Variants in CBX1 observed in about 807,000 individuals in gnomAD.
CBX1 encodes chromobox protein homolog 1.
A neutral mutation model predicts 25.1 loss-of-function variants in CBX1; 10 were observed. The ratio of observed to expected loss-of-function variants is 0.40; its 90% CI spans 0.25 to 0.68. CBX1 has a LOEUF of 0.68. Ranked by LOEUF, CBX1 falls within the 30% of genes least tolerant of loss-of-function variation. The pLI, the probability that CBX1 is intolerant of heterozygous loss-of-function variation, is 0.40. For missense variants in CBX1, 106 were observed against 218.5 expected (o/e 0.49, Z 3.25); for synonymous variants, 63 against 79.4 (o/e 0.79, Z 1.10).
intron 3 of CBX1, 149 bp from the exon 4 acceptor site, chr17:48,075,249 C>T (rs1453003522): frequency 1.0e-5 from 6 of 600,526 alleles, no homozygotes; most frequent in Non-Finnish European, 1.8e-5. Flanking sequence ...GGCTGGAGTG[C>T]AGTGGTGCGA....
At chr17:48,091,302 C>T (rs1470790429) in intron 1 of CBX1, among the ~76,000 whole-genome samples, 1 of 151,930 alleles carries the variant, frequency 6.6e-6, no homozygotes, top group Non-Finnish European at 1.5e-5. Context: ...ATTTTCTTTC[C>T]CCCTCTTTTA....
At chr17:48,079,036 A>T (rs908198785) in intron 1 of CBX1, among the ~76,000 whole-genome samples, 26 of 151,158 alleles carry the variant, frequency 1.7e-4, no homozygotes, top group African/African-American at 5.8e-4. Flanking sequence ...TGACTTCGTG[A>T]TTCACCCGTG....
Position 48,098,007 on chromosome 17 carries a change from T to G in CBX1, c.-38+3261A>C, listed in dbSNP as rs188700300. Reference sequence around the variant, plus strand: ...GCCTGAGGTATTTAAAACGGCCAGTTGCACAGCCTGTATACCTTTTCTATA... The same window carrying G: ...GCCTGAGGTATTTAAAACGGCCAGTGGCACAGCCTGTATACCTTTTCTATA... On this transcript the variant is annotated intron_variant, in intron 1 of 4. Transcript: ENST00000225603. 2.2e-3 allele frequency among the ~76,000 whole-genome samples: 336 copies of G among 152,306 alleles called. 6 individuals carry two copies. In the South Asian group the frequency reaches 0.041, roughly 19 times the overall value.
Position 48,071,433 on chromosome 17 carries a change from C to G in CBX1, c.*2G>C, listed in dbSNP as rs771524890. ...TGTGACAGGGGCTGGTACTCAGGAG[C>G]GTTAGTTCTTGTCATCTTTTTTGTC... On this transcript the variant is annotated 3_prime_UTR_variant, in exon 5 of 5. Transcript: ENST00000225603. The G allele has an allele frequency of 1.2e-6, 2 of 1,605,942 alleles. No individual in the cohort carries two copies. The highest frequency in any genetic ancestry group is 2.2e-5 in the South Asian group (2 of 89,938).
intron 1 of CBX1, among the ~76,000 whole-genome samples, chr17:48,081,390 G>A (rs1329951002): frequency 2.0e-5 from 3 of 152,094 alleles, no homozygotes; most frequent in African/African-American, 4.8e-5. Flanking sequence ...TAAAGAAAGC[G>A]CCCAAATGGG....
In CBX1 at chr17:48,077,449, T is replaced by TTG. The variant is rs1567764397; in HGVS notation, c.-37-409_-37-408insCA. Among the ~76,000 whole-genome samples, 969 of 116,326 alleles carry TTG rather than the reference T, an allele frequency of 8.3e-3. 24 individuals are homozygous for TTG. The highest frequency in any genetic ancestry group is 0.014 in the Non-Finnish European group (754 of 52,042). 76.3% of individuals were successfully genotyped at this position (116,326 alleles called of 152,430 possible). On this transcript the variant is annotated intron_variant, in intron 1 of 4. Coordinates refer to ENST00000225603, the MANE Select transcript of CBX1 (RefSeq NM_001127228.2). ...ATTTTTGTTGTTTTTTTTTTTGTTTTTTTTGTTTTTTTTTTTTTAGTAGAG... is the reference window on the plus strand; with the variant it reads ...ATTTTTGTTGTTTTTTTTTTTGTTTTTGTTTTGTTTTTTTTTTTTTAGTAGAG...
chr17:48,098,199 C>T lies in CBX1; in HGVS notation c.-38+3069G>A, dbSNP rs181141016. Among the ~76,000 whole-genome samples, 148 of 152,060 alleles carry T rather than the reference C, an allele frequency of 9.7e-4. 1 individual carries two copies. The highest frequency in any genetic ancestry group is 2.8e-3 in the African/African-American group (118 of 41,496). On this transcript the variant is annotated intron_variant, in intron 1 of 4. Coordinates refer to ENST00000225603, the MANE Select transcript of CBX1 (RefSeq NM_001127228.2). ...CCAGGAGGTTGAGGCTTCAGTGAGC[C>T]ATGATGCCACCACTGCACTCCAGCC...
intron 1 of CBX1, among the ~76,000 whole-genome samples, chr17:48,095,999 G>C (rs979170046): frequency 1.1e-4 from 17 of 152,106 alleles, no homozygotes; most frequent in African/African-American, 4.1e-4. Flanking sequence ...TCCTGCCTCA[G>C]CCTCCCGAGT....
chr17:48,099,532 G>C (rs2063395928), intron 1 of CBX1, among the ~76,000 whole-genome samples: 1 of 152,118 alleles, frequency 6.6e-6, no homozygotes, highest in Non-Finnish European at 1.5e-5. Context: ...AGGTGCCACC[G>C]GTTTCAATAC....
At chr17:48,080,618 AT>A (rs2037720809) in intron 1 of CBX1, among the ~76,000 whole-genome samples, 1 of 151,798 alleles carries the variant, frequency 6.6e-6, no homozygotes, top group South Asian at 2.1e-4. Context: ...TATAGACAGA[AT>A]GCACTTAGAG....
At chr17:48,092,772 G>GATTA (rs970384241) in intron 1 of CBX1, among the ~76,000 whole-genome samples, 1 of 151,008 alleles carries the variant, frequency 6.6e-6, no homozygotes, top group South Asian at 2.1e-4. Context: ...ATCTCTAAAA[G>GATTA]ATTAATTAAT....
chr17:48,084,074 T>A (rs941153094), intron 1 of CBX1, among the ~76,000 whole-genome samples: 2 of 150,082 alleles, frequency 1.3e-5, no homozygotes, highest in African/African-American at 5.1e-5. Flanking sequence ...AGCCTCGACC[T>A]CCTGGGCTCA....
chr17:48,091,192 G>A lies in CBX1; in HGVS notation c.-38+10076C>T, dbSNP rs113424376. Reference sequence around the variant, plus strand: ...AAACATGGCCAGGTGGAAAGACCTCGACTAGACTGAGGGAATGGGAGGCAC... The same window carrying A: ...AAACATGGCCAGGTGGAAAGACCTCAACTAGACTGAGGGAATGGGAGGCAC... On this transcript the variant is annotated intron_variant, in intron 1 of 4. Transcript: ENST00000225603. 5.9e-5 allele frequency among the ~76,000 whole-genome samples: 9 copies of A among 152,306 alleles called. 2 individuals are homozygous for A. The highest frequency in any genetic ancestry group is 1.9e-4 in the African/African-American group (8 of 41,578).
At chr17:48,081,539 A>C (rs542995093) in intron 1 of CBX1, among the ~76,000 whole-genome samples, 1 of 152,272 alleles carries the variant, frequency 6.6e-6, no homozygotes, top group African/African-American at 2.4e-5. Flanking sequence ...CCTGAGTTCA[A>C]GCGATTCTCC....
intron 1 of CBX1, chr17:48,100,901 C>CGAG (rs1236092724): frequency 2.0e-6 from 2 of 985,580 alleles, no homozygotes; most frequent in Non-Finnish European, 2.4e-6. Flanking sequence ...TATGCGCCTC[C>CGAG]TCACGCCTAT....
At chr17:48,093,070 C>CAAAAA (rs748778471) in intron 1 of CBX1, among the ~76,000 whole-genome samples, 7 of 8,720 alleles carry the variant, frequency 8.0e-4, no homozygotes, top group Non-Finnish European at 1.3e-3. Flanking sequence ...AACTCTGTCT[C>CAAAAA]AAAAAAAAAA....
At chr17:48,079,594 A>G (rs1411369772) in intron 1 of CBX1, among the ~76,000 whole-genome samples, 1 of 151,926 alleles carries the variant, frequency 6.6e-6, no homozygotes, top group African/African-American at 2.4e-5. Context: ...CCTGGGCTCA[A>G]GTGATCCCGC....
chr17:48,079,075 G>C (rs536227903), intron 1 of CBX1, among the ~76,000 whole-genome samples: 475 of 151,732 alleles, frequency 3.1e-3, no homozygotes, highest in Non-Finnish European at 5.2e-3. Flanking sequence ...GGGATTACAG[G>C]CGTGAGCCAC....
rs188984974 is a variant in CBX1 at position 48,075,577 on chromosome 17, T to C, written c.318+424A>G. 9.7e-4 allele frequency among the ~76,000 whole-genome samples: 148 copies of C among 152,300 alleles called. 1 individual carries two copies. The highest frequency in any genetic ancestry group is 2.8e-3 in the African/African-American group (117 of 41,558). ...TAGAATCCTTTGGAGTGATTATTCA[T>C]CAATGTCTGAAGCGCATGAGATTTT... On this transcript the variant is annotated intron_variant, in intron 3 of 4. Coordinates refer to ENST00000225603, the MANE Select transcript of CBX1 (RefSeq NM_001127228.2).
Sources: allele counts gnomAD v4.1 joint callset (sites outside exome capture counted in the v4.1 genomes callset), GRCh38; gene constraint gnomAD v4.1.1; transcripts MANE v1.5; gene names NCBI Gene and HGNC (gene_info 2026-07-23, HGNC 2026-07-21).